The following ASPRV1 variants were observed in gnomAD, a reference collection of about 807,000 sequenced individuals.
ASPRV1 encodes aspartic peptidase retroviral like 1.
A neutral mutation model predicts 11.0 loss-of-function variants in ASPRV1; 7 were observed. The ratio of observed to expected loss-of-function variants is 0.64; its 90% confidence interval spans 0.36 to 1.20. ASPRV1 has a LOEUF of 1.20. ASPRV1 is among the 50% of genes most tolerant of loss of function. The pLI is 0.02. For synonymous variants in ASPRV1, 136 were observed against 138.4 expected, an observed-to-expected ratio of 0.98 and a Z score of 0.12; for missense variants, 299 against 320.0, an observed-to-expected ratio of 0.93 and a Z score of 0.50.
chr2:69,972,367 T>A, the ASPRV1 span, among the ~76,000 whole-genome samples: 1 of 149,414 alleles, frequency 6.7e-6, no homozygotes, highest in African/African-American at 2.5e-5. Flanking sequence ...GGCCCTTTTT[T>A]TTTTTTTCAA....
chr2:69,951,514 T>G, the ASPRV1 span, among the ~76,000 whole-genome samples: 2 of 147,184 alleles, frequency 1.4e-5, 1 homozygote, highest in South Asian at 4.2e-4. Context: ...TATATATAGA[T>G]CTATACACAC....
chr2:70,084,130 G>C, the ASPRV1 span, among the ~76,000 whole-genome samples: 1 of 152,112 alleles, frequency 6.6e-6, no homozygotes, highest in Non-Finnish European at 1.5e-5. Context: ...TCACTGAGGA[G>C]GTGCACTAAG....
chr2:70,009,796 A>G, the ASPRV1 span, among the ~76,000 whole-genome samples: 1 of 152,250 alleles, frequency 6.6e-6, no homozygotes, highest in Non-Finnish European at 1.5e-5. Flanking sequence ...GGAAGAAGGA[A>G]AACAGGCACA....
At chr2:70,056,625 A>AAAAAAAAAAAAAAAAAAAG in the ASPRV1 span, 8 of 145,280 alleles carry the variant, frequency 5.5e-5, no homozygotes, top group Admixed American at 4.3e-4. Context: ...AAAAAAAAAA[A>AAAAAAAAAAAAAAAAAAAG]GTGGTTAAAA....
the ASPRV1 span, among the ~76,000 whole-genome samples, chr2:70,023,100 CTT>C: frequency 6.6e-6 from 1 of 152,198 alleles, no homozygotes; most frequent in Non-Finnish European, 1.5e-5. Context: ...AAGATCCACT[CTT>C]TCTTTTCAAA....
the ASPRV1 span, among the ~76,000 whole-genome samples, chr2:69,968,741 C>T: frequency 1.3e-5 from 2 of 152,354 alleles, no homozygotes; most frequent in Non-Finnish European, 2.9e-5. Context: ...TGGCCCACTC[C>T]TGGGCCGTCT....
chr2:69,935,407 C>A, the ASPRV1 span: 1 of 1,614,100 alleles, frequency 6.2e-7, no homozygotes, highest in South Asian at 1.1e-5. Context: ...CCACTTGGAC[C>A]CGAATCAAGT....
the ASPRV1 span, among the ~76,000 whole-genome samples, chr2:70,066,736 C>T: frequency 1.3e-5 from 2 of 151,964 alleles, no homozygotes; most frequent in Non-Finnish European, 2.9e-5. Context: ...TATCTGGGAC[C>T]ACAGATGTTC....
chr2:69,972,922 C>T, the ASPRV1 span, among the ~76,000 whole-genome samples: 3 of 152,050 alleles, frequency 2.0e-5, no homozygotes, highest in Non-Finnish European at 4.4e-5. Flanking sequence ...ATCCTTCCAC[C>T]TGAGGCCCCC....
At chr2:70,022,895 T>G in the ASPRV1 span, among the ~76,000 whole-genome samples, 1 of 151,918 alleles carries the variant, frequency 6.6e-6, no homozygotes, top group East Asian at 1.9e-4. Flanking sequence ...AAAAAGGGTA[T>G]AAAAGGGTCC....
At chr2:69,948,864 C>T in the ASPRV1 span, among the ~76,000 whole-genome samples, 2 of 152,106 alleles carry the variant, frequency 1.3e-5, no homozygotes, top group African/African-American at 4.8e-5. Flanking sequence ...CGGGTCCCCA[C>T]CTGATCAGGC....
At chr2:70,061,719 C>CTG in the ASPRV1 span, among the ~76,000 whole-genome samples, 2 of 152,144 alleles carry the variant, frequency 1.3e-5, no homozygotes, top group Non-Finnish European at 2.9e-5. Context: ...CTTTGGGAGG[C>CTG]AAGTGGATCA....
At chr2:70,006,512 G>A in the ASPRV1 span, among the ~76,000 whole-genome samples, 1 of 152,188 alleles carries the variant, frequency 6.6e-6, no homozygotes, top group Non-Finnish European at 1.5e-5. Context: ...TACAGGGGCA[G>A]CCTTCTCCAG....
At chr2:69,948,189 A>G in the ASPRV1 span, among the ~76,000 whole-genome samples, 2 of 152,040 alleles carry the variant, frequency 1.3e-5, no homozygotes, top group African/African-American at 4.8e-5. Flanking sequence ...TGGAGGCTGC[A>G]GTGAGTCACG....
the ASPRV1 span, chr2:70,049,954 T>C: frequency 6.6e-6 from 1 of 152,318 alleles, no homozygotes; most frequent in East Asian, 1.9e-4. Context: ...TTGCTTCTCC[T>C]TTAACAAATG....
the ASPRV1 span, among the ~76,000 whole-genome samples, chr2:69,933,370 A>G: frequency 6.6e-6 from 1 of 152,166 alleles, no homozygotes; most frequent in Non-Finnish European, 1.5e-5. Context: ...ATGAACAAGT[A>G]TATTTTACAT....
At chr2:70,068,946 C>CAAAAAAAA in the ASPRV1 span, among the ~76,000 whole-genome samples, 19 of 59,056 alleles carry the variant, frequency 3.2e-4, no homozygotes, top group South Asian at 6.2e-4. Flanking sequence ...ACTCTTGTCT[C>CAAAAAAAA]AAAAAAAAAA....
the ASPRV1 span, among the ~76,000 whole-genome samples, chr2:69,995,070 G>A: frequency 6.6e-6 from 1 of 151,528 alleles, no homozygotes. Context: ...ATCACATGTA[G>A]TCAGGGTGAA....
At chr2:70,027,362 A>G in the ASPRV1 span, among the ~76,000 whole-genome samples, 2 of 152,044 alleles carry the variant, frequency 1.3e-5, no homozygotes, top group East Asian at 1.9e-4. Flanking sequence ...AACTAAAAAT[A>G]TATCTACCAT....
Sources: gnomAD v4.1 joint callset for allele counts (sites outside exome capture counted in the v4.1 genomes callset) on GRCh38, gnomAD v4.1.1 for gene constraint, MANE v1.5 for transcripts, NCBI Gene and HGNC (gene_info 2026-07-23, HGNC 2026-07-21) for gene names.